The following MAP3K7CL variants were observed in gnomAD, a reference collection of about 807,000 sequenced individuals.
The protein encoded by MAP3K7CL is MAP3K7 C-terminal-like protein.
In MAP3K7CL, 16 loss-of-function variants were observed where a neutral mutation model predicts 18.6. The ratio of observed to expected loss-of-function variants is 0.86; its 90% CI spans 0.58 to 1.31. MAP3K7CL has a LOEUF of 1.31. MAP3K7CL is among the 50% of genes most tolerant of loss of function. MAP3K7CL has a pLI of 0.00. For missense variants in MAP3K7CL, 163 were observed against 174.4 expected, an observed-to-expected ratio of 0.93 and a Z score of 0.37; for synonymous variants, 65 against 66.8, an observed-to-expected ratio of 0.97 and a Z score of 0.13.
intron 2 of MAP3K7CL, among the ~76,000 whole-genome samples, chr21:29,146,575 C>T (rs2087133471): frequency 1.3e-5 from 2 of 152,174 alleles, no homozygotes; most frequent in South Asian, 4.1e-4. Flanking sequence ...GGGACTGAAT[C>T]TCAGTTCCTC....
rs767209465 is a variant in MAP3K7CL, at chr21:29,174,886, G to A, written c.423G>A (p.Ser141=). The change falls in exon 5 of 5, where the codon TCG becomes TCA. Residue 141 remains serine (S), a synonymous_variant. Coordinates refer to ENST00000399928, the MANE Select transcript of MAP3K7CL (RefSeq NM_001286620.2). ...TACAGTATCAGAAGAGGCAGGGCTC[G>A]TCCTAACTTTAAATTTTTCAGTGTG... ...LRIQYQKRQG[S]S 15 of 1,613,410 alleles carry A rather than the reference G, an allele frequency of 9.3e-6. No homozygotes were observed. The highest frequency in any genetic ancestry group is 8.9e-5 in the East Asian group (4 of 44,836).
intron 4 of MAP3K7CL, among the ~76,000 whole-genome samples, chr21:29,166,503 C>T (rs1397343616): frequency 6.6e-6 from 1 of 152,214 alleles, no homozygotes; most frequent in East Asian, 1.9e-4. Context: ...CCATCACCAA[C>T]TTCACATTTC....
intron 2 of MAP3K7CL, chr21:29,139,327 G>T (rs2086951844): frequency 6.6e-6 from 1 of 152,220 alleles, no homozygotes; most frequent in Non-Finnish European, 1.5e-5. Context: ...AAGGAACAAA[G>T]AAATCTGTAG....
chr21:29,099,232 A>G (rs1309221861), intron 4 of MAP3K7CL, among the ~76,000 whole-genome samples: 1 of 143,986 alleles, frequency 6.9e-6, no homozygotes, highest in African/African-American at 2.6e-5. Flanking sequence ...CTGGGACTAC[A>G]TGTGTACACC....
upstream of MAP3K7CL, among the ~76,000 whole-genome samples, chr21:29,085,502 G>C (rs953635675): frequency 7.1e-6 from 1 of 140,914 alleles, no homozygotes; most frequent in Admixed American, 7.5e-5. Flanking sequence ...AGCTGAGATC[G>C]TGCCACTGCA....
intron 1 of MAP3K7CL, chr21:29,077,784 G>C (rs1167669836): frequency 6.6e-6 from 1 of 152,334 alleles, no homozygotes; most frequent in African/African-American, 2.4e-5. Context: ...GCAATCAAGA[G>C]GGTTTTTGCG....
upstream of MAP3K7CL, among the ~76,000 whole-genome samples, chr21:29,083,235 C>T (rs1036444676): frequency 6.6e-6 from 1 of 152,196 alleles, no homozygotes; most frequent in African/African-American, 2.4e-5. Context: ...CATTCCTTAT[C>T]CAATCCTTAT....
At chr21:29,115,186 C>G (rs1347881290) in intron 4 of MAP3K7CL, among the ~76,000 whole-genome samples, 5 of 152,176 alleles carry the variant, frequency 3.3e-5, no homozygotes, top group African/African-American at 1.2e-4. Flanking sequence ...GATCCCACTC[C>G]TAAAAACTCT....
At chr21:29,108,996 A>G in intron 4 of MAP3K7CL, 1 of 1,468,828 alleles carries the variant, frequency 6.8e-7, no homozygotes, top group Non-Finnish European at 9.1e-7. Flanking sequence ...TGTCGGCTGG[A>G]CCCAAATAAT....
chr21:29,134,374 T>C (rs939958051), intron 2 of MAP3K7CL, among the ~76,000 whole-genome samples: 2 of 151,874 alleles, frequency 1.3e-5, no homozygotes, highest in African/African-American at 4.8e-5. Flanking sequence ...AAGTAGTAAT[T>C]GAAAAGGGAC....
At chr21:29,096,094 G>T (rs1394897413) in intron 4 of MAP3K7CL, among the ~76,000 whole-genome samples, 3 of 152,176 alleles carry the variant, frequency 2.0e-5, no homozygotes, top group African/African-American at 2.4e-5. Flanking sequence ...CACATTTTCA[G>T]CCTGGTAATT....
intron 4 of MAP3K7CL, among the ~76,000 whole-genome samples, chr21:29,169,264 T>C (rs945536371): frequency 6.6e-6 from 1 of 152,232 alleles, no homozygotes; most frequent in African/African-American, 2.4e-5. Context: ...TGTTGCCCTT[T>C]GCTTCCCAAT....
chr21:29,118,593 A>T (rs1164125305), intron 4 of MAP3K7CL, among the ~76,000 whole-genome samples: 1 of 152,190 alleles, frequency 6.6e-6, no homozygotes, highest in Non-Finnish European at 1.5e-5. Flanking sequence ...CAGGGGTTGA[A>T]ATGACTACAC....
chr21:29,121,060 A>ATATATATATATATG (rs2086586731), intron 4 of MAP3K7CL, among the ~76,000 whole-genome samples: 3 of 39,244 alleles, frequency 7.6e-5, no homozygotes, highest in Non-Finnish European at 1.7e-4. Context: ...AGTCAGATAT[A>ATATATATATATATG]TATATATAGT....
At chr21:29,142,268 T>C (rs1440586504) in intron 2 of MAP3K7CL, among the ~76,000 whole-genome samples, 2 of 152,174 alleles carry the variant, frequency 1.3e-5, no homozygotes, top group Admixed American at 1.3e-4. Flanking sequence ...GGTTTTGCCA[T>C]GTTACCTAGG....
chr21:29,125,294 C>T (rs2086663115), intron 4 of MAP3K7CL, among the ~76,000 whole-genome samples: 1 of 152,204 alleles, frequency 6.6e-6, no homozygotes, highest in Admixed American at 6.5e-5. Context: ...CAAAGTCCTA[C>T]ATGAGTAAGA....
At chr21:29,172,526 GA>G (rs2087865280) in intron 4 of MAP3K7CL, among the ~76,000 whole-genome samples, 1 of 152,060 alleles carries the variant, frequency 6.6e-6, no homozygotes, top group Non-Finnish European at 1.5e-5. Context: ...TAATTTGTAG[GA>G]GACACTGAGG....
chr21:29,083,832 A>ATG (rs373782576), upstream of MAP3K7CL, among the ~76,000 whole-genome samples: 27 of 149,492 alleles, frequency 1.8e-4, no homozygotes, highest in East Asian at 2.2e-3. Flanking sequence ...ATCAGCTGGG[A>ATG]TGTGTGTGTG....
At chr21:29,106,965 T>A (rs948178907) in intron 4 of MAP3K7CL, among the ~76,000 whole-genome samples, 1 of 152,166 alleles carries the variant, frequency 6.6e-6, no homozygotes, top group East Asian at 1.9e-4. Flanking sequence ...TGTGTAGGGC[T>A]TTAGGGCTGA....
Sources: allele counts gnomAD v4.1 joint callset (sites outside exome capture counted in the v4.1 genomes callset), GRCh38; gene constraint gnomAD v4.1.1; transcripts MANE v1.5; gene names NCBI Gene and HGNC (gene_info 2026-07-23, HGNC 2026-07-21).